Variants in CUX2 observed in about 807,000 individuals in gnomAD.
CUX2 encodes the protein homeobox protein cut-like 2.
In CUX2, 40 loss-of-function variants were observed where a neutral mutation model predicts 144.8. The observed-to-expected ratio is 0.28, with a 90% CI of 0.21 to 0.36. The LOEUF (loss-of-function observed/expected upper bound fraction) is 0.36, where lower values mean the gene tolerates loss of function less well. Among genes scored for constraint, CUX2 ranks in the 10% least tolerant of loss-of-function variants. The probability of loss-of-function intolerance (pLI) is 1.00; values close to 1 mark genes in which losing one functional copy is unlikely to be tolerated. For missense variants in CUX2, 1,615 were observed against 1,994.0 expected (o/e 0.81, Z 3.62); for synonymous variants, 827 against 875.6 (o/e 0.94, Z 0.98).
chr12:111,339,887 C>T (rs560795392), intron 20 of CUX2, among the ~76,000 whole-genome samples: 1 of 152,216 alleles, frequency 6.6e-6, no homozygotes, highest in Non-Finnish European at 1.5e-5. Context: ...GAGCTGGCTG[C>T]TCTCTATTTC....
At chr12:111,183,912 G>A (rs1295272031) in intron 1 of CUX2, among the ~76,000 whole-genome samples, 1 of 152,200 alleles carries the variant, frequency 6.6e-6, no homozygotes, top group African/African-American at 2.4e-5. Flanking sequence ...AAGTTACTGT[G>A]AGACTTTTTC....
At chr12:111,224,042 G>A (rs1881995977) in intron 3 of CUX2, among the ~76,000 whole-genome samples, 1 of 152,124 alleles carries the variant, frequency 6.6e-6, no homozygotes, top group Non-Finnish European at 1.5e-5. Flanking sequence ...TGAATAAGGT[G>A]GGAGTCATGG....
rs149146124 is a variant in CUX2 at position 111,266,420 on chromosome 12, G to A, written c.301+2581G>A. ...CAGGAGGCGGAGGTTGCAATGAGCC[G>A]AGATCACAACACTGCACTCCAGCCT... On this transcript the variant is annotated intron_variant, in intron 4 of 21. Coordinates refer to ENST00000261726, the MANE Select transcript of CUX2 (RefSeq NM_015267.4). Among the ~76,000 whole-genome samples the A allele has an allele frequency of 3.3e-5, 5 of 149,880 alleles. No homozygotes were observed. The East Asian group carries it at 5.9e-4, about 18-fold the overall frequency.
intron 18 of CUX2, among the ~76,000 whole-genome samples, chr12:111,328,946 T>TCC (rs200711863): frequency 1.1e-5 from 1 of 88,850 alleles, no homozygotes; most frequent in African/African-American, 8.4e-5. Flanking sequence ...CACCTATCTC[T>TCC]CTCTCTCTCT....
At chr12:111,082,164 G>T (rs557688569) in intron 1 of CUX2, among the ~76,000 whole-genome samples, 2 of 152,198 alleles carry the variant, frequency 1.3e-5, no homozygotes, top group Non-Finnish European at 2.9e-5. Context: ...GAAGGTTGGG[G>T]ATGTCTGTGT....
At chr12:111,298,325 G>A (rs527267833) in intron 8 of CUX2, among the ~76,000 whole-genome samples, 1 of 152,356 alleles carries the variant, frequency 6.6e-6, no homozygotes, top group East Asian at 1.9e-4. Context: ...GCCCCTGGGG[G>A]AGAGGGGAGG....
At position 111,162,691 on chromosome 12, in the gene CUX2, C is replaced by G. The variant is rs545638993; in HGVS notation, c.64-51509C>G. On this transcript the variant is annotated intron_variant, in intron 1 of 21. Transcript: ENST00000261726. ...GGAAACTCACACCCTAATTTAGACA[C>G]CTACCTACTGAAGCTTCCAGAAGAC... Among the ~76,000 whole-genome samples the G allele has an allele frequency of 7.2e-5, 11 of 152,318 alleles. No individual in the cohort carries two copies. The South Asian group carries it at 2.1e-3, about 29-fold the overall frequency.
chr12:111,288,352 A>G (rs1415317822), intron 4 of CUX2, among the ~76,000 whole-genome samples: 2 of 152,090 alleles, frequency 1.3e-5, no homozygotes, highest in South Asian at 2.1e-4. Flanking sequence ...CCACAGCCCC[A>G]TGAGGTTGCT....
chr12:111,141,244 A>ACACACG (rs1222470084), intron 1 of CUX2, among the ~76,000 whole-genome samples: 2 of 151,980 alleles, frequency 1.3e-5, no homozygotes, highest in African/African-American at 4.8e-5. Context: ...ACACACACAC[A>ACACACG]CACACACACA....
chr12:111,263,263 A>G lies in CUX2; in HGVS notation c.223-498A>G, dbSNP rs554077588. On this transcript the variant is annotated intron_variant, in intron 3 of 21. Transcript: ENST00000261726. This position sits in a 1 kb window ranked among gnomAD's most constrained non-coding sequence, Gnocchi z 4.0. ...GGCAGGGGAATCGCAGGAGGTCGAG[A>G]CAAGCCTGGGCAACCTGTAGCAAGA... is the stretch of plus-strand genomic sequence containing the variant. Among the ~76,000 whole-genome samples, 17 of 152,306 alleles carry G rather than the reference A, an allele frequency of 1.1e-4. No individual in the cohort carries two copies. Among genetic ancestry groups the G allele is most frequent in the South Asian group, 2.1e-4 (1 of 4,826 alleles).
At chr12:111,143,025 A>G (rs1876433524) in intron 1 of CUX2, among the ~76,000 whole-genome samples, 1 of 152,168 alleles carries the variant, frequency 6.6e-6, no homozygotes, top group African/African-American at 2.4e-5. Flanking sequence ...TCTATCAAAA[A>G]AGGACTTCCT....
At position 111,320,280 on chromosome 12, in the gene CUX2, G is replaced by T. The variant is rs778603589; in HGVS notation, c.2271G>T (p.Ala757=). 1 of 1,595,298 alleles carries T rather than the reference G, an allele frequency of 6.3e-7. No homozygotes were observed. ...AGGGCAGCGGGGGCCCCGCGCAGGCGCCGCTCCCGGTCCTGTCCCCCGCCG... is the reference window on the plus strand; with the variant it reads ...AGGGCAGCGGGGGCCCCGCGCAGGCTCCGCTCCCGGTCCTGTCCCCCGCCG... ...QEEGSGGPAQ[A]PLPVLSPAAF... is the part of the protein sequence containing the mutation. Residue 757 remains alanine, a synonymous_variant, in exon 17 of 22, where the codon GCG becomes GCT. Transcript: ENST00000261726. This position sits in a 1 kb window ranked among gnomAD's most constrained non-coding sequence, Gnocchi z 8.1.
rs1433456302 is a variant in CUX2 at position 111,088,602 on chromosome 12, C to T, written c.63+54362C>T. Among the ~76,000 whole-genome samples the T allele has an allele frequency of 2.6e-5, 4 of 152,240 alleles. No individual in the cohort carries two copies. The Middle Eastern group carries it at 0.01, about 388-fold the overall frequency. ...TTTAACTCTAGTCTTCATAGGAGCC[C>T]TGTGGAGTAGATGGAGATGATGTCA... On this transcript the variant is annotated intron_variant, in intron 1 of 21. Transcript: ENST00000261726.
At chr12:111,184,871 G>A (rs112918818) in intron 1 of CUX2, among the ~76,000 whole-genome samples, 2,412 of 152,192 alleles carry the variant, frequency 0.016, 50 homozygotes, top group African/African-American at 0.051. Flanking sequence ...AGATCATCCC[G>A]GCTAACACAG....
chr12:111,276,444 T>C (rs919254562), intron 4 of CUX2, among the ~76,000 whole-genome samples: 1 of 152,142 alleles, frequency 6.6e-6, no homozygotes, highest in Non-Finnish European at 1.5e-5. Context: ...GCAGAAGTTA[T>C]AAAGGGAATA....
chr12:111,036,564 T>C (rs1356098531), intron 1 of CUX2, among the ~76,000 whole-genome samples: 1 of 150,252 alleles, frequency 6.7e-6, no homozygotes, highest in African/African-American at 2.5e-5. Context: ...TAGGGGGTGG[T>C]GGAGGGGTTT....
chr12:111,127,706 T>C (rs1302498614), intron 1 of CUX2, among the ~76,000 whole-genome samples: 1 of 152,210 alleles, frequency 6.6e-6, no homozygotes, highest in Non-Finnish European at 1.5e-5. Context: ...GTTCTCACGC[T>C]GCTAAGAGAC....
rs1886803929 is a variant in CUX2, at chr12:111,310,012, CTG to C, written c.1259-27_1259-26del. The C allele has an allele frequency of 1.6e-6, 2 of 1,279,414 alleles. No homozygotes were observed. Among genetic ancestry groups the C allele is most frequent in the Non-Finnish European group, 2.0e-6 (2 of 1,014,388 alleles). The allele number at this position is 1,279,414 out of a possible 1,614,324, so 79.3% of individuals were successfully genotyped here. ...CCTCATCATCGTCTTCCCCGTCTGT[CTG>C]TCTGTCTGTCTGTCTGGGTGTTCTA... On this transcript the variant is annotated intron_variant, in intron 14 of 21. Coordinates refer to ENST00000261726, the MANE Select transcript of CUX2 (RefSeq NM_015267.4). This position sits in a 1 kb window ranked among gnomAD's most constrained non-coding sequence, Gnocchi z 7.9.
At chr12:111,314,757 T>A (rs184463866) in intron 16 of CUX2, among the ~76,000 whole-genome samples, 113 of 148,920 alleles carry the variant, frequency 7.6e-4, no homozygotes, top group Middle Eastern at 3.6e-3. Context: ...GGCAGGAGGA[T>A]CACCTGAGCC....
Sources: allele counts gnomAD v4.1 joint callset (sites outside exome capture counted in the v4.1 genomes callset), GRCh38; gene constraint gnomAD v4.1.1; non-coding constraint Gnocchi (gnomAD v3.1); transcripts MANE v1.5; gene names NCBI Gene and HGNC (gene_info 2026-07-23, HGNC 2026-07-21).